The following GINS1 variants were observed in gnomAD, a reference collection of about 807,000 sequenced individuals.
The protein encoded by GINS1 is DNA replication complex GINS protein PSF1.
Under a neutral mutation model 34.9 loss-of-function variants are expected in GINS1, and 26 were observed. The observed-to-expected ratio is 0.74, with a 90% CI of 0.55 to 1.03. The LOEUF (loss-of-function observed/expected upper bound fraction) is 1.03, where lower values mean the gene tolerates loss of function less well. GINS1 is among the 50% of genes least tolerant of loss of function. GINS1 has a pLI of 0.00. For missense variants in GINS1, 235 were observed against 237.9 expected (o/e 0.99, Z 0.08); for synonymous variants, 97 against 84.4 (o/e 1.15, Z -0.82).
At chr20:25,410,051 G>A (rs1185175378) in intron 1 of GINS1, among the ~76,000 whole-genome samples, 1 of 152,134 alleles carries the variant, frequency 6.6e-6, no homozygotes, top group Non-Finnish European at 1.5e-5. Context: ...CTTAGAAGTT[G>A]TAGAATCAGG....
intron 4 of GINS1, chr20:25,420,973 C>G: frequency 1.0e-6 from 1 of 984,174 alleles, no homozygotes; most frequent in Non-Finnish European, 1.2e-6. Context: ...GGACCAGTAA[C>G]AAAGAATATT....
chr20:25,422,585 T>A (rs1380058980), intron 4 of GINS1, among the ~76,000 whole-genome samples: 1 of 152,126 alleles, frequency 6.6e-6, no homozygotes, highest in East Asian at 1.9e-4. Flanking sequence ...TGAGACCCTG[T>A]CTTAAAACAG....
At chr20:25,422,471 G>A (rs1301188333) in intron 4 of GINS1, among the ~76,000 whole-genome samples, 1 of 152,030 alleles carries the variant, frequency 6.6e-6, no homozygotes, top group African/African-American at 2.4e-5. Context: ...TGCGCCTGTG[G>A]TCCCAGCTAC....
At chr20:25,412,575 G>A (rs1383863490) in intron 1 of GINS1, among the ~76,000 whole-genome samples, 2 of 152,104 alleles carry the variant, frequency 1.3e-5, no homozygotes, top group Non-Finnish European at 2.9e-5. Context: ...CCATTTTTTA[G>A]TAAATTATGA....
intron 5 of GINS1, 107 bp from the exon 6 acceptor site, chr20:25,441,595 C>T (rs1600945219): frequency 3.1e-6 from 2 of 635,374 alleles, no homozygotes; most frequent in East Asian, 5.3e-5. Context: ...GGAGAGGAAA[C>T]AAACAAAGTC....
intron 5 of GINS1, among the ~76,000 whole-genome samples, chr20:25,439,576 C>T (rs539546982): frequency 1.3e-5 from 2 of 151,842 alleles, no homozygotes; most frequent in East Asian, 1.9e-4. Context: ...AAGAGACTTA[C>T]AAGACATTTA....
rs2090306932 is a variant in GINS1 at position 25,414,314 on chromosome 20, A to G, written c.140+460A>G. Among the ~76,000 whole-genome samples the G allele has an allele frequency of 2.0e-5, 3 of 152,288 alleles. No homozygotes were observed. In the South Asian group the frequency reaches 6.2e-4, roughly 32 times the overall value. The stretch of plus-strand genomic sequence containing the variant: ...GCTGTACAAATTAGCAAAAGTCTGA[A>G]GAAATTTGTGCTGATCACTGCTTAA... On this transcript the variant is annotated intron_variant, in intron 2 of 6. Transcript: ENST00000262460.
chr20:25,445,187 A>C (rs2090504145), intron 6 of GINS1, among the ~76,000 whole-genome samples: 1 of 152,224 alleles, frequency 6.6e-6, no homozygotes, highest in Non-Finnish European at 1.5e-5. Flanking sequence ...TTAAAACAGC[A>C]AATATAGTTT....
intron 5 of GINS1, among the ~76,000 whole-genome samples, chr20:25,441,069 A>G (rs1047685240): frequency 1.3e-5 from 2 of 152,160 alleles, no homozygotes; most frequent in African/African-American, 2.4e-5. Flanking sequence ...CTCCTAGAAG[A>G]GGAAAAGTGC....
At chr20:25,444,612 C>T (rs1418579381) in intron 6 of GINS1, among the ~76,000 whole-genome samples, 1 of 152,150 alleles carries the variant, frequency 6.6e-6, no homozygotes, top group East Asian at 1.9e-4. Flanking sequence ...TGAGATCTTC[C>T]TTTGAGATTT....
intron 5 of GINS1, 23 bp downstream of exon 5, chr20:25,425,350 C>T: frequency 1.0e-6 from 1 of 954,160 alleles, no homozygotes; most frequent in East Asian, 2.4e-5. Context: ...TTTTAAAATG[C>T]ATTTTTCTTT....
At chr20:25,416,369 A>G (rs1408941849) in intron 2 of GINS1, among the ~76,000 whole-genome samples, 1 of 152,204 alleles carries the variant, frequency 6.6e-6, no homozygotes, top group African/African-American at 2.4e-5. Flanking sequence ...GCAGAAGTAT[A>G]TAGAACAGCC....
At chr20:25,441,847 A>C (rs3764694) in intron 6 of GINS1, 71 bp downstream of exon 6, 111,670 of 753,756 alleles carry the variant, frequency 0.15, 13,252 homozygotes, top group East Asian at 0.59. Context: ...TGGAATAGCA[A>C]AATAAATATC....
chr20:25,430,905 T>G (rs2090423557), intron 5 of GINS1, among the ~76,000 whole-genome samples: 1 of 152,342 alleles, frequency 6.6e-6, no homozygotes, highest in Non-Finnish European at 1.5e-5. Flanking sequence ...TTTCTGGCTT[T>G]GGTATTAGGG....
Position 25,418,139 on chromosome 20 carries a change from T to G in GINS1, c.274T>G (p.Trp92Gly). 1 of 1,605,404 alleles carries G rather than the reference T, an allele frequency of 6.2e-7. No individual in the cohort carries two copies. Among genetic ancestry groups the G allele is most frequent in the Non-Finnish European group, 8.5e-7 (1 of 1,171,896 alleles). Residue 92 changes from tryptophan (W) to glycine (G), a missense_variant, in exon 4 of 7, where the codon TGG (tryptophan) becomes GGG (glycine). Trp to Gly is a radical substitution (Grantham distance 184). Transcript: ENST00000262460. Reference sequence around the variant, plus strand: ...CTTGCTTCGGATCAGAGCACTCAGATGGGAATATGGTAGCGTCTTGCCAAA... The same window carrying G: ...CTTGCTTCGGATCAGAGCACTCAGAGGGGAATATGGTAGCGTCTTGCCAAA... The part of the protein sequence containing the change: ...DRLLRIRALR[W>G]EYGSVLPNAL...
At chr20:25,413,911 G>T in intron 2 of GINS1, 57 bp downstream of exon 2, 2 of 1,048,736 alleles carry the variant, frequency 1.9e-6, no homozygotes, top group African/African-American at 1.6e-5. Context: ...GTTGAAATTG[G>T]CCGGGCGCGG....
At chr20:25,434,555 T>G (rs1029742156) in intron 5 of GINS1, among the ~76,000 whole-genome samples, 1 of 152,106 alleles carries the variant, frequency 6.6e-6, no homozygotes, top group African/African-American at 2.4e-5. Flanking sequence ...TCAATCAATC[T>G]CCTGCCTCGG....
At chr20:25,411,703 G>C (rs1396975024) in intron 1 of GINS1, among the ~76,000 whole-genome samples, 2 of 152,114 alleles carry the variant, frequency 1.3e-5, no homozygotes, top group African/African-American at 4.8e-5. Flanking sequence ...AGCACTTTGG[G>C]AGGCTGAGGT....
chr20:25,417,910 A>G (rs914797641), intron 3 of GINS1, among the ~76,000 whole-genome samples, 195 bp from the exon 4 acceptor site: 1 of 152,322 alleles, frequency 6.6e-6, no homozygotes, highest in East Asian at 1.9e-4. Flanking sequence ...CCTTTTTCCC[A>G]GGACTACTGT....
Sources: allele counts gnomAD v4.1 joint callset (sites outside exome capture counted in the v4.1 genomes callset), GRCh38; gene constraint gnomAD v4.1.1; transcripts MANE v1.5; gene names NCBI Gene and HGNC (gene_info 2026-07-23, HGNC 2026-07-21).